DOCK8: variants seen among roughly 807,000 people sequenced by gnomAD.
DOCK8 encodes the protein dedicator of cytokinesis protein 8.
A neutral mutation model predicts 245.6 loss-of-function variants in DOCK8; 141 were observed. The observed-to-expected ratio is 0.57, with a 90% CI of 0.50 to 0.66. The LOEUF (loss-of-function observed/expected upper bound fraction) is 0.66. Among genes scored for constraint, DOCK8 ranks in the 30% least tolerant of loss-of-function variants. The probability of loss-of-function intolerance (pLI) is 0.00; values close to 1 mark genes in which losing one functional copy is unlikely to be tolerated. For missense variants in DOCK8, 2,965 were observed against 2,603.4 expected, an observed-to-expected ratio of 1.14 and a Z score of -3.02; for synonymous variants, 1,168 against 970.2, an observed-to-expected ratio of 1.20 and a Z score of -3.79.
In DOCK8 at chr9:332,450, C is replaced by T. The variant is rs367543787; in HGVS notation, c.1097C>T (p.Thr366Met). The change falls in exon 10 of 48, where the codon ACG becomes ATG. Residue 366 changes from threonine (T) to methionine (M), a missense_variant. Physicochemically the swap from Thr to Met is moderately conservative, Grantham distance 81. Transcript: ENST00000432829. ...GEIGDCAEPY[T>M]VIKESDGGKS... The stretch of plus-strand genomic sequence containing the variant: ...ATTGGAGACTGTGCAGAGCCCTACA[C>T]GGTTATCAAAGAAAGTGATGGTGGA... The T allele has an allele frequency of 1.5e-4, 240 of 1,612,776 alleles. No individual in the cohort carries two copies. Among genetic ancestry groups the T allele is most frequent in the Middle Eastern group, 4.9e-4 (3 of 6,080 alleles).
In DOCK8 at chr9:372,109, T is replaced by G. The variant is rs749985781; in HGVS notation, c.2008-76T>G. 4 of 1,299,982 alleles carry G rather than the reference T, an allele frequency of 3.1e-6. No homozygotes were observed. In the African/African-American group the frequency reaches 4.4e-5, roughly 14 times the overall value. 80.5% of individuals were successfully genotyped at this position (1,299,982 alleles called of 1,614,324 possible). A position where few individuals can be genotyped will look rare whatever the true frequency, so the allele number is the denominator to read the frequency against. Reference sequence around the variant, plus strand: ...TACTCACTGTTTAGTTGCATTTGATTATTGCGAGCTAGATAAATTATCAGA... The same window carrying G: ...TACTCACTGTTTAGTTGCATTTGATGATTGCGAGCTAGATAAATTATCAGA... On this transcript the variant is annotated intron_variant, in intron 17 of 47. Coordinates refer to ENST00000432829, the MANE Select transcript of DOCK8 (RefSeq NM_203447.4).
intron 22 of DOCK8, among the ~76,000 whole-genome samples, chr9:385,560 A>G (rs1027035059): frequency 6.6e-6 from 1 of 152,204 alleles, no homozygotes; most frequent in Non-Finnish European, 1.5e-5. Flanking sequence ...AATATTATAT[A>G]ATGGTTTGCT....
chr9:255,962 C>G (rs537452646), intron 1 of DOCK8, among the ~76,000 whole-genome samples: 1 of 152,090 alleles, frequency 6.6e-6, no homozygotes. Context: ...AAACAAATAT[C>G]CTAATAGTTG....
intron 1 of DOCK8, among the ~76,000 whole-genome samples, chr9:252,240 T>C (rs2047668045): frequency 6.6e-6 from 1 of 151,860 alleles, no homozygotes; most frequent in Non-Finnish European, 1.5e-5. Flanking sequence ...CCCAAAGTGC[T>C]GGGATTACAA....
At chr9:410,169 G>A (rs2055654752) in intron 28 of DOCK8, among the ~76,000 whole-genome samples, 1 of 152,084 alleles carries the variant, frequency 6.6e-6, no homozygotes, top group Non-Finnish European at 1.5e-5. Context: ...TGAATCCTAA[G>A]TGTAAAGTGC....
At chr9:451,943 ATGTGTG>A (rs1269297855) in intron 45 of DOCK8, 62 bp from the exon 46 acceptor site, 11 of 305,262 alleles carry the variant, frequency 3.6e-5, no homozygotes, top group South Asian at 2.8e-4. Flanking sequence ...GTATATATAT[ATGTGTG>A]TGTGTGTATA....
intron 14 of DOCK8, among the ~76,000 whole-genome samples, chr9:351,793 A>G (rs10971986): frequency 0.049 from 7,401 of 152,296 alleles, 210 homozygotes; most frequent in Admixed American, 0.081. Context: ...TGTCATGGCA[A>G]CAGTCTTCCC....
intron 5 of DOCK8, among the ~76,000 whole-genome samples, chr9:311,335 G>A (rs2050103266): frequency 6.7e-6 from 1 of 149,630 alleles, no homozygotes; most frequent in Non-Finnish European, 1.5e-5. Context: ...GAACTCCTGG[G>A]CGGGGTTCAA....
At chr9:273,099 A>G in intron 2 of DOCK8, 2 of 985,428 alleles carry the variant, frequency 2.0e-6, no homozygotes, top group Non-Finnish European at 2.4e-6. Flanking sequence ...AATCTTTCAA[A>G]GGTATGTTTT....
rs561020531 is a variant in DOCK8, at chr9:451,334, T to TA, written c.5962-674dup. Among the ~76,000 whole-genome samples, 754 of 149,800 alleles carry TA rather than the reference T, an allele frequency of 5.0e-3. 5 individuals are homozygous for TA. The highest frequency in any genetic ancestry group is 0.017 in the African/African-American group (680 of 40,682). ...TCAAAAACAACAATAAAAAAGAAAA[T>TA]AAATTTGGGCTGTGTATGGTGCGCA... On this transcript the variant is annotated intron_variant, in intron 45 of 47. Coordinates refer to ENST00000432829, the MANE Select transcript of DOCK8 (RefSeq NM_203447.4).
chr9:386,337 G>T lies in DOCK8; in HGVS notation c.2785G>T (p.Asp929Tyr), dbSNP rs751395001. 3.1e-6 allele frequency: 5 copies of T among 1,613,368 alleles called. No homozygotes were observed. Among genetic ancestry groups the T allele is most frequent in the Admixed American group, 3.3e-5 (2 of 59,992 alleles). Residue 929 changes from aspartate (D) to tyrosine (Y), a missense_variant, in exon 23 of 48, where the codon GAT becomes TAT. Around this residue, in one of 3 missense-constraint regions of DOCK8, gnomAD observed 2,825 missense variants for 2,453.5 expected, o/e 1.15. Transcript: ENST00000432829. Reference protein sequence around the residue: ...VKNIMSSKIADRNCSRMSYYC... With the variant: ...VKNIMSSKIAYRNCSRMSYYC... ...CATGGTTTGTGTATTTTAGATCGCCGATCGCAACTGCAGCCGAATGTCTTA... is the reference window on the plus strand; with the variant it reads ...CATGGTTTGTGTATTTTAGATCGCCTATCGCAACTGCAGCCGAATGTCTTA...
At chr9:397,482 C>A (rs772510750) in intron 25 of DOCK8, among the ~76,000 whole-genome samples, 1 of 151,276 alleles carries the variant, frequency 6.6e-6, no homozygotes. Context: ...TGAGGTCAGG[C>A]ATTCGAGACC....
intron 34 of DOCK8, among the ~76,000 whole-genome samples, chr9:427,952 A>G (rs1279136746): frequency 6.6e-6 from 1 of 152,222 alleles, no homozygotes; most frequent in Non-Finnish European, 1.5e-5. Flanking sequence ...GTCCTTCTGT[A>G]GGTGATAAAC....
At chr9:359,662 G>A (rs2052623283) in intron 14 of DOCK8, among the ~76,000 whole-genome samples, 1 of 152,122 alleles carries the variant, frequency 6.6e-6, no homozygotes, top group African/African-American at 2.4e-5. Context: ...TCACTCTGAT[G>A]GGATCAGTCT....
intron 14 of DOCK8, among the ~76,000 whole-genome samples, chr9:356,658 A>G (rs916507305): frequency 6.6e-6 from 1 of 152,050 alleles, no homozygotes; most frequent in Non-Finnish European, 1.5e-5. Context: ...TGATTACCCT[A>G]TCCTCTTTTT....
chr9:289,601 C>G lies in DOCK8; in HGVS notation c.404+20C>G, dbSNP rs2048958829. ...CCGGAAGTAAGTTACTTTTTTTCCA[C>G]TTTTTGTATATAAATATTAATTTTA... On this transcript the variant is annotated intron_variant, in intron 4 of 47. Coordinates refer to ENST00000432829, the MANE Select transcript of DOCK8 (RefSeq NM_203447.4). 1 of 1,594,326 alleles carries G rather than the reference C, an allele frequency of 6.3e-7. No homozygotes were observed. Among genetic ancestry groups the G allele is most frequent in the African/African-American group, 1.3e-5 (1 of 74,328 alleles).
At chr9:406,474 G>A (rs1586938606) in intron 27 of DOCK8, among the ~76,000 whole-genome samples, 2 of 135,514 alleles carry the variant, frequency 1.5e-5, no homozygotes, top group East Asian at 2.2e-4. Context: ...GTAACAGAGT[G>A]ACACTCTGTC....
At chr9:395,530 A>AG (rs2054408090) in intron 24 of DOCK8, among the ~76,000 whole-genome samples, 3 of 124,316 alleles carry the variant, frequency 2.4e-5, no homozygotes, top group Non-Finnish European at 4.8e-5. Flanking sequence ...TTCCAGTGCC[A>AG]TTAGTAGTAG....
intron 1 of DOCK8, among the ~76,000 whole-genome samples, chr9:270,918 G>C (rs2048146765): frequency 6.6e-6 from 1 of 152,194 alleles, no homozygotes; most frequent in Non-Finnish European, 1.5e-5. Flanking sequence ...TAACAGATAA[G>C]TGCTCAGAAG....
Sources: allele counts gnomAD v4.1 joint callset (sites outside exome capture counted in the v4.1 genomes callset), GRCh38; gene constraint gnomAD v4.1.1; regional missense constraint gnomAD v4.1.1; transcripts MANE v1.5; gene names NCBI Gene and HGNC (gene_info 2026-07-23, HGNC 2026-07-21).